The following CTNNA2 variants were observed in gnomAD, a reference collection of about 807,000 sequenced individuals.
CTNNA2 encodes the protein catenin alpha 2.
A neutral mutation model predicts 101.0 loss-of-function variants in CTNNA2; 42 were observed. That is an observed-to-expected ratio of 0.42 (90% CI 0.32 to 0.54). CTNNA2 has a LOEUF of 0.54. CTNNA2 is among the 20% of genes least tolerant of loss of function. The probability of loss-of-function intolerance (pLI) is 0.14; values close to 1 mark genes in which losing one functional copy is unlikely to be tolerated. For missense variants in CTNNA2, 871 were observed against 1,223.1 expected, an observed-to-expected ratio of 0.71 and a Z score of 4.29; for synonymous variants, 450 against 456.4, an observed-to-expected ratio of 0.99 and a Z score of 0.18.
chr2:79,422,466 A>T (rs984339307), intron 4 of CTNNA2, among the ~76,000 whole-genome samples: 1 of 152,160 alleles, frequency 6.6e-6, no homozygotes, highest in African/African-American at 2.4e-5. Flanking sequence ...TCCAGCCCCA[A>T]ATGTCGATAA....
chr2:80,145,298 T>C (rs563735099), intron 7 of CTNNA2, among the ~76,000 whole-genome samples: 1 of 152,300 alleles, frequency 6.6e-6, no homozygotes, highest in African/African-American at 2.4e-5. Context: ...TCCTCTTATC[T>C]ACACTCAAAG....
At chr2:80,217,902 A>G (rs1212787653) in intron 7 of CTNNA2, among the ~76,000 whole-genome samples, 1 of 152,160 alleles carries the variant, frequency 6.6e-6, no homozygotes, top group Non-Finnish European at 1.5e-5. Flanking sequence ...ATAGGCCATC[A>G]TGCTTCACAG....
chr2:79,426,490 T>C (rs1459021659), intron 4 of CTNNA2, among the ~76,000 whole-genome samples: 2 of 152,166 alleles, frequency 1.3e-5, no homozygotes, highest in Admixed American at 6.6e-5. Context: ...GCTCCAGTTA[T>C]AATAGCCAAA....
chr2:80,252,413 A>C (rs1323763651), intron 7 of CTNNA2, among the ~76,000 whole-genome samples: 1 of 152,190 alleles, frequency 6.6e-6, no homozygotes, highest in Admixed American at 6.5e-5. Flanking sequence ...GTTAGCTAGA[A>C]TCTTTGCTGT....
At chr2:79,247,804 G>A (rs1415067111) in intron 2 of CTNNA2, among the ~76,000 whole-genome samples, 1 of 152,164 alleles carries the variant, frequency 6.6e-6, no homozygotes, top group African/African-American at 2.4e-5. Flanking sequence ...ATCTGAAGAT[G>A]CCATGTTGAT....
chr2:80,546,779 A>G lies in CTNNA2; in HGVS notation c.1540+716A>G, dbSNP rs1692112284. Among the ~76,000 whole-genome samples the G allele has an allele frequency of 2.0e-5, 3 of 152,228 alleles. No homozygotes were observed. In the South Asian group the frequency reaches 6.2e-4, roughly 32 times the overall value. ...CCAGCCAGCAAATGGACATTTTTCC[A>G]AATGCTTTTGACCTAACTTATTTGG... is the stretch of plus-strand genomic sequence containing the variant. On this transcript the variant is annotated intron_variant, in intron 11 of 18. Coordinates refer to ENST00000402739, the MANE Select transcript of CTNNA2 (RefSeq NM_001282597.3).
intron 3 of CTNNA2, among the ~76,000 whole-genome samples, chr2:79,356,616 A>G (rs1677514095): frequency 6.6e-6 from 1 of 152,234 alleles, no homozygotes. Flanking sequence ...CCAGAGTTAG[A>G]TAAATCCAGA....
chr2:79,703,903 A>G (rs1203151459), intron 2 of CTNNA2, among the ~76,000 whole-genome samples: 2 of 151,514 alleles, frequency 1.3e-5, no homozygotes, highest in Non-Finnish European at 2.9e-5. Flanking sequence ...TTATATTTTC[A>G]TATAAATTTA....
intron 7 of CTNNA2, among the ~76,000 whole-genome samples, chr2:80,223,281 G>A (rs762794316): frequency 9.9e-5 from 15 of 152,228 alleles, no homozygotes; most frequent in South Asian, 2.1e-4. Flanking sequence ...AGCGATAAAC[G>A]AAAACATCAG....
intron 7 of CTNNA2, among the ~76,000 whole-genome samples, chr2:80,360,723 G>A (rs149746903): frequency 3.3e-5 from 5 of 152,052 alleles, no homozygotes; most frequent in East Asian, 1.9e-4. Flanking sequence ...GAAGGGTGAC[G>A]TTTGCAAATG....
chr2:79,700,329 T>A (rs1684920340), intron 2 of CTNNA2, among the ~76,000 whole-genome samples: 1 of 152,174 alleles, frequency 6.6e-6, no homozygotes, highest in Non-Finnish European at 1.5e-5. Context: ...TTTGCTATCA[T>A]AGCATTTCTG....
At chr2:80,533,231 C>T (rs1317009804) in intron 9 of CTNNA2, among the ~76,000 whole-genome samples, 2 of 152,104 alleles carry the variant, frequency 1.3e-5, no homozygotes, top group Non-Finnish European at 2.9e-5. Flanking sequence ...TGGAAGAGAT[C>T]TATTTCTACT....
At chr2:79,628,482 T>C (rs1679470251) in intron 1 of CTNNA2, among the ~76,000 whole-genome samples, 1 of 151,946 alleles carries the variant, frequency 6.6e-6, no homozygotes, top group Admixed American at 6.6e-5. Context: ...TTTGCTTCAA[T>C]ATCCGGTTGT....
At chr2:80,144,439 A>G (rs1703205785) in intron 7 of CTNNA2, among the ~76,000 whole-genome samples, 1 of 152,224 alleles carries the variant, frequency 6.6e-6, no homozygotes, top group Non-Finnish European at 1.5e-5. Flanking sequence ...AAAGACAAAC[A>G]AGTACAAATG....
chr2:79,348,779 A>G (rs963738661), intron 3 of CTNNA2, among the ~76,000 whole-genome samples: 1 of 152,214 alleles, frequency 6.6e-6, no homozygotes, highest in Non-Finnish European at 1.5e-5. Context: ...TTGTCTAGAC[A>G]CAGCAGTCTT....
At chr2:79,994,035 G>A (rs1422053823) in intron 7 of CTNNA2, among the ~76,000 whole-genome samples, 1 of 152,062 alleles carries the variant, frequency 6.6e-6, no homozygotes, top group African/African-American at 2.4e-5. Flanking sequence ...TCTCTCTGGA[G>A]TAGCTGAGAC....
intron 2 of CTNNA2, among the ~76,000 whole-genome samples, chr2:79,674,646 T>C (rs1328951683): frequency 6.6e-6 from 1 of 152,178 alleles, no homozygotes; most frequent in Non-Finnish European, 1.5e-5. Context: ...CTCTAGTATG[T>C]AGACCGCCTA....
At chr2:79,570,384 T>C (rs576606346) in intron 1 of CTNNA2, among the ~76,000 whole-genome samples, 50 of 152,278 alleles carry the variant, frequency 3.3e-4, no homozygotes, top group African/African-American at 1.2e-3. Context: ...ATTTCTGGGA[T>C]ATATGATGAA....
intron 4 of CTNNA2, among the ~76,000 whole-genome samples, chr2:79,867,400 T>TATCC (rs1005009736): frequency 2.0e-5 from 3 of 152,128 alleles, no homozygotes; most frequent in Non-Finnish European, 4.4e-5. Context: ...CTATCTATCC[T>TATCC]ATCCATCCAT....
Sources: allele counts gnomAD v4.1 joint callset (sites outside exome capture counted in the v4.1 genomes callset), GRCh38; gene constraint gnomAD v4.1.1; transcripts MANE v1.5; gene names NCBI Gene and HGNC (gene_info 2026-07-23, HGNC 2026-07-21).